DPP4: variants seen among roughly 807,000 people sequenced by gnomAD.
The protein encoded by DPP4 is ADCP-2.
In DPP4, 93 loss-of-function variants were observed where a neutral mutation model predicts 122.4. The ratio of observed to expected loss-of-function variants is 0.76; its 90% confidence interval spans 0.64 to 0.90. The LOEUF (loss-of-function observed/expected upper bound fraction) is 0.90. Ranked by LOEUF, DPP4 falls within the 40% of genes least tolerant of loss-of-function variation. DPP4 has a pLI of 0.00. For synonymous variants in DPP4, 321 were observed against 302.9 expected (o/e 1.06, Z -0.62); for missense variants, 914 against 907.3 (o/e 1.01, Z -0.09).
chr2:162,056,797 C>T (rs939759543), intron 2 of DPP4, among the ~76,000 whole-genome samples: 5 of 152,200 alleles, frequency 3.3e-5, no homozygotes, highest in African/African-American at 9.7e-5. Flanking sequence ...GATAACCAGC[C>T]ATTATTCCAG....
chr2:162,001,058 T>C (rs1320400952), intron 23 of DPP4, among the ~76,000 whole-genome samples: 1 of 152,196 alleles, frequency 6.6e-6, no homozygotes. Flanking sequence ...GAGAGCATCA[T>C]GCTCGTCCTC....
intron 10 of DPP4, among the ~76,000 whole-genome samples, chr2:162,026,278 T>A (rs926112074): frequency 2.6e-5 from 4 of 152,186 alleles, no homozygotes; most frequent in Admixed American, 2.0e-4. Flanking sequence ...TGTGCGAATG[T>A]GCCTGGTGAT....
In DPP4 at chr2:161,993,151, CA is replaced by C; in HGVS notation, c.*131del. ...AGATGATAGGTATGAAATTTGGGAA[CA>C]AAGGTAACCTTAAGTTTCTTGATTT... On this transcript the variant is annotated 3_prime_UTR_variant, in exon 26 of 26. Coordinates refer to ENST00000360534, the MANE Select transcript of DPP4 (RefSeq NM_001935.4). 1 of 681,520 alleles carries C rather than the reference CA, an allele frequency of 1.5e-6. No homozygotes were observed. Among genetic ancestry groups the C allele is most frequent in the South Asian group, 2.1e-5 (1 of 48,698 alleles). The allele number at this position is 681,520 out of a possible 1,614,324, so 42.2% of individuals were successfully genotyped here. A position where few individuals can be genotyped will look rare whatever the true frequency, so the allele number is the denominator to read the frequency against.
At chr2:162,018,322 G>T (rs1227154907) in intron 16 of DPP4, among the ~76,000 whole-genome samples, 1 of 152,082 alleles carries the variant, frequency 6.6e-6, no homozygotes, top group Non-Finnish European at 1.5e-5. Flanking sequence ...TCCTTGCCTG[G>T]GTTTCTTCAT....
chr2:162,015,616 G>A (rs1486682382), intron 18 of DPP4, among the ~76,000 whole-genome samples: 6 of 151,926 alleles, frequency 3.9e-5, no homozygotes, highest in Non-Finnish European at 7.4e-5. Flanking sequence ...CCACCTTCCC[G>A]GCTCCCTCCT....
chr2:162,068,539 T>G (rs1395672815), intron 2 of DPP4, among the ~76,000 whole-genome samples: 1 of 152,072 alleles, frequency 6.6e-6, no homozygotes, highest in East Asian at 1.9e-4. Flanking sequence ...TGTATCAGGG[T>G]TGGTCTGTGT....
At chr2:162,053,313 C>G (rs1392434847) in intron 2 of DPP4, among the ~76,000 whole-genome samples, 1 of 152,228 alleles carries the variant, frequency 6.6e-6, no homozygotes. Context: ...CCATCACAGG[C>G]CCAGAGTGCC....
chr2:162,063,646 G>C (rs560367809), intron 2 of DPP4, among the ~76,000 whole-genome samples: 1 of 152,012 alleles, frequency 6.6e-6, no homozygotes, highest in East Asian at 1.9e-4. Context: ...GCAACACAGA[G>C]ATTAGGGACC....
chr2:162,055,662 ACT>A (rs1414305467), intron 2 of DPP4, among the ~76,000 whole-genome samples: 4 of 150,234 alleles, frequency 2.7e-5, no homozygotes, highest in Non-Finnish European at 5.9e-5. Flanking sequence ...ACAAAGTGAA[ACT>A]CTGTCTCAAA....
At chr2:162,019,566 T>A (rs939277256) in intron 14 of DPP4, among the ~76,000 whole-genome samples, 1 of 150,562 alleles carries the variant, frequency 6.6e-6, no homozygotes. Context: ...AAAAAAAAAA[T>A]AGGACTAGGC....
intron 4 of DPP4, among the ~76,000 whole-genome samples, chr2:162,046,045 T>G (rs574692588): frequency 1.1e-3 from 162 of 152,180 alleles, no homozygotes; most frequent in Middle Eastern, 6.8e-3. Flanking sequence ...GACCTAAATA[T>G]AAGATGTGGA....
chr2:162,042,292 T>C (rs771055846), intron 5 of DPP4, among the ~76,000 whole-genome samples: 1 of 152,190 alleles, frequency 6.6e-6, no homozygotes, highest in Non-Finnish European at 1.5e-5. Flanking sequence ...ATTGTCAACA[T>C]AGAATCGATG....
intron 10 of DPP4, among the ~76,000 whole-genome samples, chr2:162,033,299 T>C (rs894881180): frequency 1.3e-5 from 2 of 152,158 alleles, no homozygotes; most frequent in Non-Finnish European, 2.9e-5. Context: ...CCAATTTGAA[T>C]GTAGGCTCCA....
rs541641153 is a variant in DPP4 at position 162,037,589 on chromosome 2, A to G, written c.613+713T>C. 6.0e-4 allele frequency among the ~76,000 whole-genome samples: 92 copies of G among 152,332 alleles called. 1 individual carries two copies. The highest frequency in any genetic ancestry group is 7.7e-4 in the East Asian group (4 of 5,186). On this transcript the variant is annotated intron_variant, in intron 8 of 25. Coordinates refer to ENST00000360534, the MANE Select transcript of DPP4 (RefSeq NM_001935.4). ...ATACAGATAAGTCTTTCTAATAAGT[A>G]TGAGGAAACCTTGTGAACAGTTTGG...
chr2:162,049,088 C>G (rs902692915), intron 2 of DPP4, among the ~76,000 whole-genome samples: 2 of 152,168 alleles, frequency 1.3e-5, no homozygotes, highest in Non-Finnish European at 2.9e-5. Flanking sequence ...AACATACACT[C>G]ACAAAATCAG....
intron 10 of DPP4, among the ~76,000 whole-genome samples, chr2:162,026,189 G>A (rs1243576316): frequency 2.0e-5 from 3 of 152,086 alleles, no homozygotes; most frequent in Admixed American, 6.6e-5. Context: ...TGGGCACTCG[G>A]GATGGATTAG....
At chr2:162,052,707 G>A (rs1198357909) in intron 2 of DPP4, among the ~76,000 whole-genome samples, 3 of 152,170 alleles carry the variant, frequency 2.0e-5, no homozygotes, top group Non-Finnish European at 4.4e-5. Context: ...AAAAAGCCTA[G>A]ATTACATCCA....
In DPP4 at chr2:162,018,730, G is replaced by A; in HGVS notation, c.1419C>T (p.Ser473=). 1 of 1,613,618 alleles carries A rather than the reference G, an allele frequency of 6.2e-7. No individual in the cohort carries two copies. Among genetic ancestry groups the A allele is most frequent in the Non-Finnish European group, 8.5e-7 (1 of 1,179,882 alleles). ...KEAKYYQLRC[S]GPGLPLYTLH... The stretch of plus-strand genomic sequence containing the variant: ...CCCTCCCAGGGAGCTCAGACTTACC[G>A]GAACATCTCAGCTGATAATACTTCG... The change falls in exon 16 of 26, where the codon TCC becomes TCT. Residue 473 remains serine, a splice_region_variant and synonymous_variant. Transcript: ENST00000360534.
rs1700972001 is a variant in DPP4 at position 161,995,273 on chromosome 2, TAAAAAGTCTAATTA to T, written c.2125+13_2125+26del. 6.2e-7 allele frequency: 1 copy of T among 1,603,448 alleles called. No homozygotes were observed. Among genetic ancestry groups the T allele is most frequent in the Non-Finnish European group, 8.5e-7 (1 of 1,170,380 alleles). Reference sequence around the variant, plus strand: ...GAAATTGCAAACCTGTCTGTGATACTAAAAAGTCTAATTAACTGAAACTCACCATCTGCTGTTCC... The same window carrying T: ...GAAATTGCAAACCTGTCTGTGATACTACTGAAACTCACCATCTGCTGTTCC... On this transcript the variant is annotated intron_variant, in intron 24 of 25. Coordinates refer to ENST00000360534, the MANE Select transcript of DPP4 (RefSeq NM_001935.4).
Sources: allele counts gnomAD v4.1 joint callset (sites outside exome capture counted in the v4.1 genomes callset), GRCh38; gene constraint gnomAD v4.1.1; transcripts MANE v1.5; gene names NCBI Gene and HGNC (gene_info 2026-07-23, HGNC 2026-07-21).